The following ZNF334 variants were observed in gnomAD, a reference collection of about 807,000 sequenced individuals.
ZNF334 encodes zinc finger protein 334.
In ZNF334, 14 loss-of-function variants were observed where a neutral mutation model predicts 12.4. That is an observed-to-expected ratio of 1.13 (90% CI 0.74 to 1.76). The LOEUF (loss-of-function observed/expected upper bound fraction) is 1.76, where lower values mean the gene tolerates loss of function less well. Ranked by LOEUF, ZNF334 falls within the 40% of genes most tolerant of loss-of-function variation. ZNF334 has a pLI of 0.00. For missense variants in ZNF334, 797 were observed against 804.5 expected (o/e 0.99, Z 0.11); for synonymous variants, 273 against 269.6 (o/e 1.01, Z -0.12).
chr20:46,489,659 A>C, the ZNF334 span, among the ~76,000 whole-genome samples: 1 of 151,860 alleles, frequency 6.6e-6, no homozygotes, highest in Non-Finnish European at 1.5e-5. Flanking sequence ...CAAAAAAAAA[A>C]AAAAAAAAAA....
chr20:46,508,153 G>C (rs2061502950), intron 2 of ZNF334, among the ~76,000 whole-genome samples: 1 of 152,158 alleles, frequency 6.6e-6, no homozygotes, highest in African/African-American at 2.4e-5. Flanking sequence ...CGGTGACTCA[G>C]GTCCATTCTG....
At chr20:46,492,396 A>G in the ZNF334 span, 6 of 153,254 alleles carry the variant, frequency 3.9e-5, no homozygotes, top group African/African-American at 1.4e-4. Flanking sequence ...TTTACATGTA[A>G]TGAATGTGGA....
At position 46,512,459 on chromosome 20, in the gene ZNF334, C is replaced by A. The variant is rs1601084629; in HGVS notation, c.-39+81G>T. ...CAACGAAAGTTAGTATATACAAAGC[C>A]TGGAACACTATTTTGGCATTAAAAT... On this transcript the variant is annotated intron_variant, in intron 1 of 4. Transcript: ENST00000692313. 2.2e-5 allele frequency: 4 copies of A among 181,470 alleles called. No individual in the cohort carries two copies. In the East Asian group the frequency reaches 5.8e-4, roughly 26 times the overall value. 11.2% of individuals were successfully genotyped at this position (181,470 alleles called of 1,614,324 possible). A position where few individuals can be genotyped will look rare whatever the true frequency, so the allele number is the denominator to read the frequency against.
intron 2 of ZNF334, among the ~76,000 whole-genome samples, chr20:46,506,813 TTC>T (rs2061449074): frequency 6.6e-6 from 1 of 152,042 alleles, no homozygotes. Context: ...ACGGTTTTGA[TTC>T]TTAGAACTAT....
At chr20:46,506,076 C>T (rs528205998) in intron 2 of ZNF334, 12 of 338,178 alleles carry the variant, frequency 3.5e-5, no homozygotes, top group African/African-American at 1.7e-4. Context: ...AAAAGAGAAT[C>T]GAGCATAGGA....
At chr20:46,491,726 GGA>G in the ZNF334 span, 5 of 152,876 alleles carry the variant, frequency 3.3e-5, no homozygotes, top group Admixed American at 6.6e-5. Context: ...AACTCATACG[GGA>G]GAGAGACCTT....
the ZNF334 span, chr20:46,484,560 G>C: frequency 6.0e-6 from 1 of 167,448 alleles, no homozygotes; most frequent in Non-Finnish European, 1.5e-5. Flanking sequence ...TGTGATGCTG[G>C]ATAACTGTAA....
intron 4 of ZNF334, among the ~76,000 whole-genome samples, chr20:46,503,334 G>A (rs926593884): frequency 1.3e-5 from 2 of 152,208 alleles, no homozygotes; most frequent in African/African-American, 4.8e-5. Context: ...GGGAAAGGAA[G>A]AGGAAACTAG....
At chr20:46,478,153 G>A in the ZNF334 span, among the ~76,000 whole-genome samples, 1 of 152,192 alleles carries the variant, frequency 6.6e-6, no homozygotes, top group East Asian at 1.9e-4. Flanking sequence ...AACATTTGAA[G>A]AGATTTATTC....
chr20:46,465,833 T>C, the ZNF334 span, among the ~76,000 whole-genome samples: 1 of 152,044 alleles, frequency 6.6e-6, no homozygotes, highest in Admixed American at 6.6e-5. Context: ...CGAGCGCCTG[T>C]AGTCCCAGCT....
chr20:46,489,476 C>A, the ZNF334 span, among the ~76,000 whole-genome samples: 1 of 151,866 alleles, frequency 6.6e-6, no homozygotes, highest in African/African-American at 2.4e-5. Context: ...TGAGACCAGC[C>A]TGGCCAACAT....
At chr20:46,469,684 T>C in the ZNF334 span, among the ~76,000 whole-genome samples, 1 of 152,176 alleles carries the variant, frequency 6.6e-6, no homozygotes. Flanking sequence ...TAAGCTACTT[T>C]TAAGCAAATT....
At chr20:46,508,044 C>T (rs1288958096) in intron 2 of ZNF334, among the ~76,000 whole-genome samples, 1 of 152,190 alleles carries the variant, frequency 6.6e-6, no homozygotes, top group Non-Finnish European at 1.5e-5. Context: ...ACCCAGTGCA[C>T]TTCATAGCAG....
intron 2 of ZNF334, chr20:46,506,014 A>AT (rs1325293567): frequency 4.6e-6 from 1 of 215,384 alleles, no homozygotes; most frequent in Non-Finnish European, 9.1e-6. Flanking sequence ...ATTTCACATG[A>AT]TCAGCTGGGC....
chr20:46,482,831 C>A, the ZNF334 span, among the ~76,000 whole-genome samples: 1 of 152,186 alleles, frequency 6.6e-6, no homozygotes, highest in Non-Finnish European at 1.5e-5. Context: ...TTATTCTCAA[C>A]ATCTGCAACG....
At chr20:46,475,597 A>C in the ZNF334 span, among the ~76,000 whole-genome samples, 2 of 152,192 alleles carry the variant, frequency 1.3e-5, no homozygotes, top group Non-Finnish European at 2.9e-5. Context: ...AAAAAATCCA[A>C]TTAGAAAGTG....
chr20:46,469,751 A>G, the ZNF334 span, among the ~76,000 whole-genome samples: 718 of 152,086 alleles, frequency 4.7e-3, 10 homozygotes, highest in South Asian at 0.016. Flanking sequence ...AGATTCTTAG[A>G]TACCCTCTGG....
At chr20:46,469,329 G>T in the ZNF334 span, among the ~76,000 whole-genome samples, 1 of 151,526 alleles carries the variant, frequency 6.6e-6, no homozygotes, top group Non-Finnish European at 1.5e-5. Context: ...ACGGTAGCAG[G>T]ACACCTTTAG....
chr20:46,476,254 G>A, the ZNF334 span: 3 of 152,192 alleles, frequency 2.0e-5, no homozygotes, highest in Non-Finnish European at 2.9e-5. Context: ...AGAGACTGGG[G>A]AGGCAGTGGG....
Sources: allele counts gnomAD v4.1 joint callset (sites outside exome capture counted in the v4.1 genomes callset), GRCh38; gene constraint gnomAD v4.1.1; transcripts MANE v1.5; gene names NCBI Gene and HGNC (gene_info 2026-07-23, HGNC 2026-07-21).